The following EIF2AK4 variants were observed in gnomAD, a reference collection of about 807,000 sequenced individuals.
The protein encoded by EIF2AK4 is eukaryotic translation initiation factor 2 alpha kinase 4.
In EIF2AK4, 139 loss-of-function variants were observed where a neutral mutation model predicts 211.1. The ratio of observed to expected loss-of-function variants is 0.66; its 90% CI spans 0.57 to 0.76. EIF2AK4 has a LOEUF of 0.76. Among genes scored for constraint, EIF2AK4 ranks in the 30% least tolerant of loss-of-function variants. The pLI, the probability that EIF2AK4 is intolerant of heterozygous loss-of-function variation, is 0.00. For synonymous variants in EIF2AK4, 710 were observed against 751.3 expected, an observed-to-expected ratio of 0.94 and a Z score of 0.90; for missense variants, 1,664 against 2,043.8, an observed-to-expected ratio of 0.81 and a Z score of 3.58.
At chr15:39,996,832 G>A (rs945812527) in intron 18 of EIF2AK4, 132 bp from the exon 19 acceptor site, 19 of 604,350 alleles carry the variant, frequency 3.1e-5, no homozygotes, top group Admixed American at 2.8e-4. Context: ...ACAAATCTTC[G>A]CATTTTTCCA....
At chr15:39,959,530 T>C (rs1372665161) in intron 6 of EIF2AK4, among the ~76,000 whole-genome samples, 1 of 152,224 alleles carries the variant, frequency 6.6e-6, no homozygotes, top group Non-Finnish European at 1.5e-5. Flanking sequence ...TATTCCTTAA[T>C]CTTACAGCCA....
At position 39,976,771 on chromosome 15, in the gene EIF2AK4, A is replaced by G. The variant is rs1173670534; in HGVS notation, c.2176A>G (p.Thr726Ala). Residue 726 changes from threonine (T) to alanine (A), a missense_variant, in exon 12 of 39, where the codon ACC (threonine) becomes GCC (alanine). Physicochemically the swap from Thr to Ala is moderately conservative, Grantham distance 58 (BLOSUM62 0). Coordinates refer to ENST00000263791, the MANE Select transcript of EIF2AK4 (RefSeq NM_001013703.4). ...ERSASARFPATGPGSSDDEDD... is the reference protein window; with the variant it reads ...ERSASARFPAAGPGSSDDEDD... ...CTCGGCCAGTGCCCGTTTCCCCGCC[A>G]CCGGCCCGGGCTCCAGCGATGACGA... 2.5e-6 allele frequency: 4 copies of G among 1,593,362 alleles called. No homozygotes were observed. In the Admixed American group the frequency reaches 7.0e-5, roughly 28 times the overall value.
intron 3 of EIF2AK4, among the ~76,000 whole-genome samples, chr15:39,944,668 C>T (rs540736626): frequency 6.6e-6 from 1 of 152,092 alleles, no homozygotes; most frequent in Non-Finnish European, 1.5e-5. Flanking sequence ...CTCCTGACCT[C>T]GTGGTCCACC....
chr15:39,981,338 C>T (rs1182679810), intron 13 of EIF2AK4, among the ~76,000 whole-genome samples: 1 of 151,994 alleles, frequency 6.6e-6, no homozygotes, highest in African/African-American at 2.4e-5. Flanking sequence ...TCATTGCACT[C>T]CAGCCTGGGT....
At chr15:39,963,882 G>A (rs1315474731) in intron 7 of EIF2AK4, among the ~76,000 whole-genome samples, 2 of 152,136 alleles carry the variant, frequency 1.3e-5, no homozygotes, top group Admixed American at 1.3e-4. Flanking sequence ...CCCAATTAGG[G>A]AAACAAATAT....
At chr15:40,028,138 A>G (rs1443253784) in intron 33 of EIF2AK4, among the ~76,000 whole-genome samples, 1 of 150,698 alleles carries the variant, frequency 6.6e-6, no homozygotes, top group Non-Finnish European at 1.5e-5. Context: ...AGTGGTGTAT[A>G]CATGACTCAC....
chr15:40,004,166 G>T (rs2035128895), intron 23 of EIF2AK4, among the ~76,000 whole-genome samples: 1 of 152,210 alleles, frequency 6.6e-6, no homozygotes, highest in South Asian at 2.1e-4. Context: ...AATGTGGACT[G>T]CTAAACCTTT....
At chr15:40,024,141 G>A (rs2140947556) in intron 32 of EIF2AK4, among the ~76,000 whole-genome samples, 1 of 151,852 alleles carries the variant, frequency 6.6e-6, no homozygotes, top group Non-Finnish European at 1.5e-5. Flanking sequence ...CTTATCCCTG[G>A]TAATATTTCT....
chr15:40,003,334 G>A lies in EIF2AK4; in HGVS notation c.3357+20G>A. On this transcript the variant is annotated intron_variant, in intron 23 of 38. Transcript: ENST00000263791. The stretch of plus-strand genomic sequence containing the variant: ...CTGCGGGTGAGGCTGGGAACACACT[G>A]CTGACAATCAGAATGCTGTATCTAG... 3 of 1,613,362 alleles carry A rather than the reference G, an allele frequency of 1.9e-6. No individual in the cohort carries two copies. Among genetic ancestry groups the A allele is most frequent in the Non-Finnish European group, 2.5e-6 (3 of 1,179,692 alleles).
chr15:39,978,259 C>A, intron 13 of EIF2AK4, 112 bp downstream of exon 13: 3 of 491,386 alleles, frequency 6.1e-6, no homozygotes, highest in Non-Finnish European at 1.0e-5. Flanking sequence ...GATATAGAAA[C>A]CATAAATTTT....
chr15:39,981,847 C>T (rs548865735), intron 13 of EIF2AK4, among the ~76,000 whole-genome samples: 2 of 151,498 alleles, frequency 1.3e-5, no homozygotes, highest in East Asian at 1.9e-4. Flanking sequence ...GAGGGTCATT[C>T]ACTGTAAGTG....
rs2034027326 is a variant in EIF2AK4, at chr15:39,934,191, C to T, written c.-5C>T. ...AGGCCGCCCTGCCTTGGGCGCAGCGCTGCCATGGCTGGGGGCCGTGGGGCC... is the reference window on the plus strand; with the variant it reads ...AGGCCGCCCTGCCTTGGGCGCAGCGTTGCCATGGCTGGGGGCCGTGGGGCC... On this transcript the variant is annotated 5_prime_UTR_variant, in exon 1 of 39. Transcript: ENST00000263791. The T allele has an allele frequency of 2.8e-5, 43 of 1,538,266 alleles. No homozygotes were observed. The highest frequency in any genetic ancestry group is 3.7e-5 in the Non-Finnish European group (42 of 1,144,516).
chr15:40,007,800 A>C (rs2035181385), intron 24 of EIF2AK4, among the ~76,000 whole-genome samples: 1 of 152,212 alleles, frequency 6.6e-6, no homozygotes, highest in Non-Finnish European at 1.5e-5. Flanking sequence ...TCTATTTCAG[A>C]CATTTAAAAA....
intron 15 of EIF2AK4, among the ~76,000 whole-genome samples, chr15:39,988,587 A>T (rs746007637): frequency 6.6e-6 from 1 of 152,256 alleles, no homozygotes; most frequent in African/African-American, 2.4e-5. Context: ...AGTAGTTGCA[A>T]CAGGGACTGT....
chr15:39,934,836 C>A (rs2034040502), intron 1 of EIF2AK4, among the ~76,000 whole-genome samples: 1 of 152,238 alleles, frequency 6.6e-6, no homozygotes, highest in Non-Finnish European at 1.5e-5. Flanking sequence ...ACTCCCCAGG[C>A]ATCCTCACTG....
intron 14 of EIF2AK4, 127 bp downstream of exon 14, chr15:39,986,015 C>A: frequency 2.6e-6 from 2 of 779,906 alleles, no homozygotes; most frequent in Non-Finnish European, 4.1e-6. Context: ...GATTAATTGG[C>A]CGAGAGGATT....
intron 3 of EIF2AK4, chr15:39,946,710 G>A: frequency 2.9e-6 from 2 of 698,030 alleles, no homozygotes; most frequent in South Asian, 3.0e-5. Flanking sequence ...AATCGATGCA[G>A]CAACTTCATT....
At chr15:39,947,548 G>A (rs1370760525) in intron 3 of EIF2AK4, among the ~76,000 whole-genome samples, 2 of 152,164 alleles carry the variant, frequency 1.3e-5, no homozygotes, top group Non-Finnish European at 2.9e-5. Context: ...CATGTGTCAA[G>A]TGCTATTCCA....
Position 40,009,629 on chromosome 15 carries a change from A to T in EIF2AK4, c.3592A>T (p.Ile1198Phe), listed in dbSNP as rs181345205. 195 of 1,591,230 alleles carry T rather than the reference A, an allele frequency of 1.2e-4. No individual in the cohort carries two copies. Among genetic ancestry groups the T allele is most frequent in the Non-Finnish European group, 5.4e-5 (63 of 1,170,998 alleles). ...FPALQERNYS[I>F]YLNHTMLLKA... The stretch of plus-strand genomic sequence containing the variant: ...CATATCCCAGGAAAGAAATTACAGT[A>T]TTTATTTGAACCATACCATGTTATT... Residue 1198 changes from isoleucine to phenylalanine, a missense_variant, in exon 26 of 39, where the codon ATT becomes TTT. Around this residue, in one of 7 missense-constraint regions of EIF2AK4, gnomAD observed 622 missense variants for 796.8 expected, o/e 0.78. Transcript: ENST00000263791.
Sources: gnomAD v4.1 joint callset for allele counts (sites outside exome capture counted in the v4.1 genomes callset) on GRCh38, gnomAD v4.1.1 for gene constraint, gnomAD v4.1.1 regional missense constraint, MANE v1.5 for transcripts, NCBI Gene and HGNC (gene_info 2026-07-23, HGNC 2026-07-21) for gene names.